RASGRP3: variants seen among roughly 807,000 people sequenced by gnomAD.
The protein encoded by RASGRP3 is ras guanyl-releasing protein 3.
RASGRP3 carries 54 observed loss-of-function variants against 82.7 expected under a neutral mutation model. The ratio of observed to expected loss-of-function variants is 0.65; its 90% confidence interval spans 0.52 to 0.82. The LOEUF is 0.82. Ranked by LOEUF, RASGRP3 falls within the 40% of genes least tolerant of loss-of-function variation. The pLI, the probability that RASGRP3 is intolerant of heterozygous loss-of-function variation, is 0.00. For missense variants in RASGRP3, 861 were observed against 828.9 expected (o/e 1.04, Z -0.48); for synonymous variants, 309 against 300.5 (o/e 1.03, Z -0.29).
At chr2:33,464,096 T>TTAATAA (rs141203941) in intron 2 of RASGRP3, among the ~76,000 whole-genome samples, 4,126 of 134,436 alleles carry the variant, frequency 0.031, 153 homozygotes, top group African/African-American at 0.084. Flanking sequence ...ATATTCAAAC[T>TTAATAA]TAATAATAAT....
At chr2:33,561,395 G>A (rs1676636532) in intron 17 of RASGRP3, among the ~76,000 whole-genome samples, 1 of 152,080 alleles carries the variant, frequency 6.6e-6, no homozygotes, top group African/African-American at 2.4e-5. Flanking sequence ...GCACAGGGAT[G>A]GTTCACTGAC....
At chr2:33,547,306 T>C (rs2151087106) in intron 13 of RASGRP3, among the ~76,000 whole-genome samples, 1 of 142,076 alleles carries the variant, frequency 7.0e-6, no homozygotes, top group African/African-American at 2.6e-5. Flanking sequence ...TGCTAGGCTG[T>C]GCCAAATTTC....
chr2:33,513,461 A>G (rs1258479029), intron 2 of RASGRP3, among the ~76,000 whole-genome samples: 2 of 152,250 alleles, frequency 1.3e-5, no homozygotes, highest in African/African-American at 4.8e-5. Context: ...GGCAGCCTCA[A>G]TGCCTAACCA....
At chr2:33,460,225 A>G (rs1390025383) in intron 2 of RASGRP3, among the ~76,000 whole-genome samples, 1 of 152,208 alleles carries the variant, frequency 6.6e-6, no homozygotes, top group Admixed American at 6.5e-5. Flanking sequence ...TCAAATCTAT[A>G]TGATTGACTT....
chr2:33,555,269 G>A, intron 14 of RASGRP3: 1 of 322,578 alleles, frequency 3.1e-6, no homozygotes, highest in East Asian at 5.4e-5. Flanking sequence ...GCCAAAGTCT[G>A]GTGCATCAAA....
At chr2:33,446,645 G>A (rs1665518737) in intron 1 of RASGRP3, among the ~76,000 whole-genome samples, 1 of 152,116 alleles carries the variant, frequency 6.6e-6, no homozygotes, top group Admixed American at 6.6e-5. Context: ...TGGAGAAAGG[G>A]TGAGGAAGAC....
chr2:33,539,262 T>A (rs758767685), intron 12 of RASGRP3, 52 bp downstream of exon 12: 1 of 1,356,824 alleles, frequency 7.4e-7, no homozygotes, highest in Non-Finnish European at 1.0e-6. Flanking sequence ...CCTTTCTCTT[T>A]CCAGAATGTT....
At chr2:33,477,262 T>C (rs933726429) in intron 1 of RASGRP3, among the ~76,000 whole-genome samples, 3 of 152,226 alleles carry the variant, frequency 2.0e-5, no homozygotes, top group Admixed American at 2.0e-4. Flanking sequence ...CAAAATAATA[T>C]TTAGATTCAC....
At chr2:33,562,122 A>G (rs955588162) in intron 17 of RASGRP3, among the ~76,000 whole-genome samples, 10 of 152,156 alleles carry the variant, frequency 6.6e-5, no homozygotes, top group Admixed American at 5.9e-4. Context: ...TACACTGTGG[A>G]TTTCTAAGAG....
chr2:33,546,072 A>G (rs1293946418), intron 13 of RASGRP3, among the ~76,000 whole-genome samples: 1 of 151,814 alleles, frequency 6.6e-6, no homozygotes, highest in Non-Finnish European at 1.5e-5. Flanking sequence ...GGCCTCCCAA[A>G]GTTCTGGGAT....
Position 33,543,683 on chromosome 2 carries a change from A to T in RASGRP3, c.1394+56A>T. On this transcript the variant is annotated intron_variant, in intron 13 of 17. Coordinates refer to ENST00000403687, the MANE Select transcript of RASGRP3 (RefSeq NM_001139488.2). ...AACTATCCTAAAGCAGAAAATTATT[A>T]TCAGAGGAGAGAAGGGAAACTTGTA... 4 of 1,229,068 alleles carry T rather than the reference A, an allele frequency of 3.3e-6. No homozygotes were observed. In the South Asian group the frequency reaches 4.1e-5, roughly 13 times the overall value. The allele number at this position is 1,229,068 out of a possible 1,614,324, so 76.1% of individuals were successfully genotyped here.
At chr2:33,537,171 T>C (rs1029327540) in intron 11 of RASGRP3, among the ~76,000 whole-genome samples, 1 of 150,854 alleles carries the variant, frequency 6.6e-6, no homozygotes, top group Non-Finnish European at 1.5e-5. Context: ...TAGGGTTCTC[T>C]TAGAGGGACA....
chr2:33,438,288 C>T (rs1396782165), intron 1 of RASGRP3, among the ~76,000 whole-genome samples: 1 of 152,180 alleles, frequency 6.6e-6, no homozygotes, highest in Non-Finnish European at 1.5e-5. Flanking sequence ...TGGGGCCAGG[C>T]GTGGTGGCTC....
At chr2:33,525,239 T>C (rs1208651619) in intron 9 of RASGRP3, among the ~76,000 whole-genome samples, 1 of 152,012 alleles carries the variant, frequency 6.6e-6, no homozygotes, top group African/African-American at 2.4e-5. Context: ...ATAAAGTCAT[T>C]GAATGACTAT....
At chr2:33,465,626 T>A (rs1276936079) in intron 2 of RASGRP3, among the ~76,000 whole-genome samples, 2 of 152,210 alleles carry the variant, frequency 1.3e-5, no homozygotes, top group African/African-American at 4.8e-5. Context: ...GCTAAGATCA[T>A]TGATGAAGGT....
chr2:33,447,506 G>A (rs1456242838), intron 1 of RASGRP3, among the ~76,000 whole-genome samples: 2 of 151,672 alleles, frequency 1.3e-5, no homozygotes, highest in Middle Eastern at 3.2e-3. Flanking sequence ...TCCGATCTTG[G>A]CTCACTGCAA....
chr2:33,560,000 G>T (rs1324835670), intron 17 of RASGRP3, among the ~76,000 whole-genome samples: 1 of 152,140 alleles, frequency 6.6e-6, no homozygotes, highest in African/African-American at 2.4e-5. Flanking sequence ...AAGGTTTATT[G>T]TAAGTTTCTG....
In RASGRP3 at chr2:33,521,014, C is replaced by A. The variant is rs540719181; in HGVS notation, c.368+330C>A. Among the ~76,000 whole-genome samples, 149 of 152,338 alleles carry A rather than the reference C, an allele frequency of 9.8e-4. 2 individuals are homozygous for A. In the South Asian group the frequency reaches 0.011, roughly 11 times the overall value. ...GTCTGAATCTACTTAATGTCTCTTACACCTTCACTGATTAAAGTGTGGTCT... is the reference window on the plus strand; with the variant it reads ...GTCTGAATCTACTTAATGTCTCTTAAACCTTCACTGATTAAAGTGTGGTCT... On this transcript the variant is annotated intron_variant, in intron 6 of 17. Transcript: ENST00000403687.
intron 1 of RASGRP3, among the ~76,000 whole-genome samples, chr2:33,496,354 C>T (rs1669313513): frequency 6.6e-6 from 1 of 152,184 alleles, no homozygotes; most frequent in African/African-American, 2.4e-5. Flanking sequence ...TGGGTTAATA[C>T]AGAATGCGTG....
Sources: allele counts gnomAD v4.1 joint callset (sites outside exome capture counted in the v4.1 genomes callset), GRCh38; gene constraint gnomAD v4.1.1; transcripts MANE v1.5; gene names NCBI Gene and HGNC (gene_info 2026-07-23, HGNC 2026-07-21).